Variants in ARHGAP44 observed in about 807,000 individuals in gnomAD.
ARHGAP44 encodes the protein rho GTPase-activating protein 44.
ARHGAP44 carries 43 observed loss-of-function variants against 106.8 expected under a neutral mutation model. That is an observed-to-expected ratio of 0.40 (90% confidence interval 0.32 to 0.52). The LOEUF (loss-of-function observed/expected upper bound fraction) is 0.52, where lower values mean the gene tolerates loss of function less well. Ranked by LOEUF, ARHGAP44 falls within the 20% of genes least tolerant of loss-of-function variation. The pLI is 0.48. For synonymous variants in ARHGAP44, 439 were observed against 410.3 expected (o/e 1.07, Z -0.85); for missense variants, 866 against 1,050.5 (o/e 0.82, Z 2.43).
intron 18 of ARHGAP44, among the ~76,000 whole-genome samples, chr17:12,974,912 C>T (rs1327312633): frequency 3.3e-5 from 5 of 149,546 alleles, no homozygotes; most frequent in Admixed American, 6.7e-5. Context: ...TGCAGAGGCG[C>T]GATCTCGACT....
Position 12,944,205 on chromosome 17 carries a change from G to A in ARHGAP44, c.861+9G>A, listed in dbSNP as rs376185298. 2 of 1,597,830 alleles carry A rather than the reference G, an allele frequency of 1.3e-6. No homozygotes were observed. The highest frequency in any genetic ancestry group is 1.7e-6 in the Non-Finnish European group (2 of 1,170,822). ...GTGGGATGCAGGAGGAGGTAGGTCT[G>A]AGCACAGCCACACGCCGCCCCGGGC... On this transcript the variant is annotated intron_variant, in intron 10 of 20. Coordinates refer to ENST00000379672, the MANE Select transcript of ARHGAP44 (RefSeq NM_014859.6).
intron 20 of ARHGAP44, chr17:12,986,734 A>T (rs1339189359): frequency 5.4e-6 from 1 of 183,782 alleles, no homozygotes; most frequent in Non-Finnish European, 1.1e-5. Flanking sequence ...GGAGAAGCAG[A>T]AAAGAGCAGA....
chr17:12,891,619 T>G (rs1222855188), intron 1 of ARHGAP44, among the ~76,000 whole-genome samples: 1 of 152,178 alleles, frequency 6.6e-6, no homozygotes, highest in Non-Finnish European at 1.5e-5. Flanking sequence ...GATCAAGTTT[T>G]CAACATGTGA....
intron 1 of ARHGAP44, among the ~76,000 whole-genome samples, chr17:12,808,441 C>G (rs1009114586): frequency 3.3e-5 from 5 of 152,254 alleles, no homozygotes; most frequent in African/African-American, 1.2e-4. Context: ...CATACATCCT[C>G]TGAAATCTAG....
At chr17:12,919,274 G>C (rs1438243784) in intron 5 of ARHGAP44, among the ~76,000 whole-genome samples, 5 of 152,076 alleles carry the variant, frequency 3.3e-5, no homozygotes, top group African/African-American at 1.2e-4. Context: ...ATTCCTATTA[G>C]TTAGACCTCA....
intron 4 of ARHGAP44, among the ~76,000 whole-genome samples, chr17:12,911,689 C>A (rs2037742952): frequency 6.6e-6 from 1 of 152,170 alleles, no homozygotes; most frequent in South Asian, 2.1e-4. Context: ...GAGCAGAATT[C>A]TCTAGAGGGG....
intron 1 of ARHGAP44, among the ~76,000 whole-genome samples, chr17:12,857,169 G>T (rs1456764713): frequency 6.6e-6 from 1 of 152,286 alleles, no homozygotes; most frequent in East Asian, 1.9e-4. Flanking sequence ...CTGGGTGCTT[G>T]TTCATGTGCA....
chr17:12,841,594 T>A lies in ARHGAP44; in HGVS notation c.53+51703T>A, dbSNP rs569770620. On this transcript the variant is annotated intron_variant, in intron 1 of 20. Transcript: ENST00000379672. ...GAGACCCTGTCTCTCTGTCTCTCTC[T>A]CACACACACACACACACACACACAC... is the stretch of plus-strand genomic sequence containing the variant. Among the ~76,000 whole-genome samples, 218 of 126,570 alleles carry A rather than the reference T, an allele frequency of 1.7e-3. 1 individual carries two copies. Among genetic ancestry groups the A allele is most frequent in the Admixed American group, 2.3e-3 (30 of 12,830 alleles). 83.0% of individuals were successfully genotyped at this position (126,570 alleles called of 152,430 possible). A position where few individuals can be genotyped will look rare whatever the true frequency, so the allele number is the denominator to read the frequency against.
chr17:12,929,455 GTTGCTT>G (rs1215596992), intron 7 of ARHGAP44: 2 of 158,070 alleles, frequency 1.3e-5, no homozygotes, highest in East Asian at 3.6e-4. Flanking sequence ...TATTTCCTGA[GTTGCTT>G]TATCCATCCT....
At chr17:12,881,242 G>A (rs908838333) in intron 1 of ARHGAP44, among the ~76,000 whole-genome samples, 64 of 151,540 alleles carry the variant, frequency 4.2e-4, no homozygotes, top group African/African-American at 1.3e-3. Flanking sequence ...GTCATTCAAT[G>A]GTCTAAAATA....
At chr17:12,828,876 C>G (rs776289644) in intron 1 of ARHGAP44, among the ~76,000 whole-genome samples, 6 of 151,748 alleles carry the variant, frequency 4.0e-5, no homozygotes, top group Non-Finnish European at 8.8e-5. Context: ...CTCCTGACCT[C>G]GTGATCCGCC....
chr17:12,832,221 TA>T (rs1208395834), intron 1 of ARHGAP44, among the ~76,000 whole-genome samples: 1 of 152,098 alleles, frequency 6.6e-6, no homozygotes, highest in Non-Finnish European at 1.5e-5. Flanking sequence ...ATTTGATGGA[TA>T]GGGGGCCAGG....
intron 16 of ARHGAP44, among the ~76,000 whole-genome samples, chr17:12,972,790 T>G (rs1487897832): frequency 6.6e-6 from 1 of 151,214 alleles, no homozygotes; most frequent in South Asian, 2.1e-4. Context: ...GCCTCCCGAA[T>G]AGCTGGGACT....
At position 12,809,999 on chromosome 17, in the gene ARHGAP44, G is replaced by A. The variant is rs78702740; in HGVS notation, c.53+20108G>A. Among the ~76,000 whole-genome samples, 729 of 152,220 alleles carry A rather than the reference G, an allele frequency of 4.8e-3. 29 individuals are homozygous for A. The East Asian group carries it at 0.086, about 18-fold the overall frequency. On this transcript the variant is annotated intron_variant, in intron 1 of 20. Coordinates refer to ENST00000379672, the MANE Select transcript of ARHGAP44 (RefSeq NM_014859.6). The stretch of plus-strand genomic sequence containing the variant: ...GGGAGATCTAGGGGATGGTGGTGAG[G>A]AATCATCAGCAGGGGGGTGGAACTG...
intron 1 of ARHGAP44, among the ~76,000 whole-genome samples, chr17:12,807,572 A>G (rs1002950801): frequency 6.6e-5 from 10 of 152,232 alleles, no homozygotes; most frequent in African/African-American, 1.7e-4. Flanking sequence ...TTATAAAACT[A>G]TCAGATCTTG....
chr17:12,943,162 C>G (rs1197422937), intron 8 of ARHGAP44, among the ~76,000 whole-genome samples: 1 of 152,232 alleles, frequency 6.6e-6, no homozygotes, highest in Non-Finnish European at 1.5e-5. Flanking sequence ...CAGCCTCAGT[C>G]TCCTGAGTAG....
chr17:12,940,250 A>C (rs1323378353), intron 7 of ARHGAP44, among the ~76,000 whole-genome samples: 2 of 152,172 alleles, frequency 1.3e-5, no homozygotes, highest in Non-Finnish European at 2.9e-5. Flanking sequence ...GGAACCTTAG[A>C]GATCGTATGA....
intron 1 of ARHGAP44, among the ~76,000 whole-genome samples, chr17:12,814,155 A>G (rs1414171545): frequency 1.3e-5 from 2 of 148,902 alleles, no homozygotes; most frequent in Admixed American, 6.7e-5. Flanking sequence ...TCAGACTCTG[A>G]TACACTCTCC....
intron 1 of ARHGAP44, among the ~76,000 whole-genome samples, chr17:12,799,474 A>G (rs893023110): frequency 2.0e-5 from 3 of 152,208 alleles, no homozygotes; most frequent in African/African-American, 7.2e-5. Context: ...AAGAGAAAAT[A>G]GAAGTGGTAT....
Sources: allele counts gnomAD v4.1 joint callset (sites outside exome capture counted in the v4.1 genomes callset), GRCh38; gene constraint gnomAD v4.1.1; transcripts MANE v1.5; gene names NCBI Gene and HGNC (gene_info 2026-07-23, HGNC 2026-07-21).